The following LRRC3B variants were observed in gnomAD, a reference collection of about 807,000 sequenced individuals.
LRRC3B encodes leucine rich repeat containing 3B, also known as leucine-rich repeat-containing protein 3B.
LRRC3B carries 2 observed loss-of-function variants against 12.8 expected under a neutral mutation model. The observed-to-expected ratio is 0.16, with a 90% confidence interval of 0.06 to 0.49. The LOEUF (loss-of-function observed/expected upper bound fraction) is 0.49, where lower values mean the gene tolerates loss of function less well. LRRC3B is among the 20% of genes least tolerant of loss of function. The probability of loss-of-function intolerance (pLI) is 0.96; values close to 1 mark genes in which losing one functional copy is unlikely to be tolerated. For missense variants in LRRC3B, 189 were observed against 319.4 expected, an observed-to-expected ratio of 0.59 and a Z score of 3.11; for synonymous variants, 132 against 122.0, an observed-to-expected ratio of 1.08 and a Z score of -0.54.
At chr3:26,704,040 C>T (rs1700522760) in intron 1 of LRRC3B, among the ~76,000 whole-genome samples, 1 of 152,082 alleles carries the variant, frequency 6.6e-6, no homozygotes, top group Non-Finnish European at 1.5e-5. Context: ...TTCCTCTTCT[C>T]CCCCTGACAG....
intron 1 of LRRC3B, among the ~76,000 whole-genome samples, chr3:26,686,325 T>C (rs1451644150): frequency 2.0e-5 from 3 of 152,188 alleles, no homozygotes; most frequent in Middle Eastern, 3.2e-3. Flanking sequence ...GTGATCCGCC[T>C]GCCTTGGCCT....
chr3:26,670,148 C>T (rs1699690302), intron 1 of LRRC3B, among the ~76,000 whole-genome samples: 1 of 152,146 alleles, frequency 6.6e-6, no homozygotes, highest in Non-Finnish European at 1.5e-5. Flanking sequence ...TAATCTACTT[C>T]TTTCATCACA....
At chr3:26,629,514 G>T (rs554731086) in intron 1 of LRRC3B, among the ~76,000 whole-genome samples, 74 of 152,318 alleles carry the variant, frequency 4.9e-4, no homozygotes, top group African/African-American at 1.5e-3. Context: ...GGCTCCCCCT[G>T]TTAGCGGTGA....
intron 1 of LRRC3B, among the ~76,000 whole-genome samples, chr3:26,693,426 C>CATGA (rs1700235654): frequency 6.6e-6 from 1 of 151,548 alleles, no homozygotes; most frequent in Non-Finnish European, 1.5e-5. Flanking sequence ...ACATCTGCCT[C>CATGA]ATGAATGTCT....
At chr3:26,658,847 T>C (rs1447561658) in intron 1 of LRRC3B, among the ~76,000 whole-genome samples, 2 of 152,250 alleles carry the variant, frequency 1.3e-5, no homozygotes, top group African/African-American at 4.8e-5. Context: ...TAATAGATCA[T>C]ACTGCATTTG....
At chr3:26,627,232 CTG>C (rs1698647978) in intron 1 of LRRC3B, among the ~76,000 whole-genome samples, 1 of 152,178 alleles carries the variant, frequency 6.6e-6, no homozygotes, top group Non-Finnish European at 1.5e-5. Flanking sequence ...TGTCTTTTCT[CTG>C]TAGCTGTAGT....
intron 1 of LRRC3B, among the ~76,000 whole-genome samples, chr3:26,686,375 G>A (rs373430207): frequency 3.3e-4 from 51 of 152,256 alleles, no homozygotes; most frequent in Non-Finnish European, 5.1e-4. Context: ...CACCGCGCCC[G>A]GCCGGTAAAT....
chr3:26,642,711 T>A (rs894007456), intron 1 of LRRC3B, among the ~76,000 whole-genome samples: 1 of 152,130 alleles, frequency 6.6e-6, no homozygotes, highest in South Asian at 2.1e-4. Context: ...TCACTACACA[T>A]CAGCAGGAAT....
chr3:26,693,511 A>C (rs1300325619), intron 1 of LRRC3B, among the ~76,000 whole-genome samples: 1 of 152,180 alleles, frequency 6.6e-6, no homozygotes, highest in Non-Finnish European at 1.5e-5. Context: ...AGGAGCTTTA[A>C]AGTTGCATTG....
intron 1 of LRRC3B, among the ~76,000 whole-genome samples, chr3:26,670,479 C>G (rs374385981): frequency 6.6e-6 from 1 of 152,140 alleles, no homozygotes; most frequent in Non-Finnish European, 1.5e-5. Context: ...ATTATTTCTT[C>G]TTTCTGAGCA....
At chr3:26,674,547 C>T (rs750348156) in intron 1 of LRRC3B, among the ~76,000 whole-genome samples, 11 of 152,128 alleles carry the variant, frequency 7.2e-5, no homozygotes, top group Non-Finnish European at 1.6e-4. Context: ...AGAATAAAAA[C>T]ATTCTATCTA....
chr3:26,639,161 A>T lies in LRRC3B; in HGVS notation c.-161+15924A>T, dbSNP rs908841513. Among the ~76,000 whole-genome samples the T allele has an allele frequency of 2.8e-4, 42 of 152,296 alleles. No homozygotes were observed. The Middle Eastern group carries it at 0.01, about 37-fold the overall frequency. The stretch of plus-strand genomic sequence containing the variant: ...ATGGTAGCCACTTGTGTAATTTAAA[A>T]TTTTTTTCAGTAGCTACATTAAACA... On this transcript the variant is annotated intron_variant, in intron 1 of 1. Coordinates refer to ENST00000396641, the Ensembl canonical transcript of LRRC3B.
At chr3:26,635,716 G>A (rs1200122050) in intron 1 of LRRC3B, among the ~76,000 whole-genome samples, 4 of 152,200 alleles carry the variant, frequency 2.6e-5, no homozygotes, top group African/African-American at 9.6e-5. Flanking sequence ...GTTAGCCTGG[G>A]CATCTAGTCA....
chr3:26,640,181 A>G (rs1698993961), intron 1 of LRRC3B, among the ~76,000 whole-genome samples: 1 of 152,106 alleles, frequency 6.6e-6, no homozygotes, highest in South Asian at 2.1e-4. Flanking sequence ...CAAAGAGCCT[A>G]ATTTAAGAAT....
At chr3:26,696,616 C>CTGTTAGACTTGTCTT (rs1700325096) in intron 1 of LRRC3B, among the ~76,000 whole-genome samples, 1 of 152,180 alleles carries the variant, frequency 6.6e-6, no homozygotes, top group South Asian at 2.1e-4. Context: ...TTGCTTTTCA[C>CTGTTAGACTTGTCTT]TGTTAGACTT....
chr3:26,643,418 A>G (rs955258171), intron 1 of LRRC3B, among the ~76,000 whole-genome samples: 3 of 152,170 alleles, frequency 2.0e-5, no homozygotes, highest in African/African-American at 7.2e-5. Flanking sequence ...ATGGTTTTAT[A>G]GAGAAATGGT....
chr3:26,653,765 T>A (rs188841387), intron 1 of LRRC3B, among the ~76,000 whole-genome samples: 1 of 152,324 alleles, frequency 6.6e-6, no homozygotes, highest in Non-Finnish European at 1.5e-5. Flanking sequence ...AAACTCACTG[T>A]GAACCGTTTG....
intron 1 of LRRC3B, among the ~76,000 whole-genome samples, chr3:26,638,411 G>A (rs1698948562): frequency 6.6e-6 from 1 of 151,048 alleles, no homozygotes; most frequent in Non-Finnish European, 1.5e-5. Context: ...AGGGTCAACG[G>A]AAAAAAAAAT....
At chr3:26,705,066 C>A (rs931328862) in intron 1 of LRRC3B, among the ~76,000 whole-genome samples, 1 of 152,128 alleles carries the variant, frequency 6.6e-6, no homozygotes, top group Admixed American at 6.6e-5. Context: ...GGGTTAGAAT[C>A]TCTGAATGTT....
Sources: allele counts gnomAD v4.1 joint callset (sites outside exome capture counted in the v4.1 genomes callset), GRCh38; gene constraint gnomAD v4.1.1; transcripts MANE v1.5; gene names NCBI Gene and HGNC (gene_info 2026-07-23, HGNC 2026-07-21).